The following DLGAP4 variants were observed in gnomAD, a reference collection of about 807,000 sequenced individuals.
The protein encoded by DLGAP4 is DLG associated protein 4.
In DLGAP4, 18 loss-of-function variants were observed where a neutral mutation model predicts 86.9. That is an observed-to-expected ratio of 0.21 (90% CI 0.14 to 0.31). The LOEUF (loss-of-function observed/expected upper bound fraction) is 0.31, where lower values mean the gene tolerates loss of function less well. Among genes scored for constraint, DLGAP4 ranks in the 10% least tolerant of loss-of-function variants. The pLI, the probability that DLGAP4 is intolerant of heterozygous loss-of-function variation, is 1.00. For synonymous variants in DLGAP4, 548 were observed against 574.3 expected (o/e 0.95, Z 0.65); for missense variants, 1,085 against 1,362.6 (o/e 0.80, Z 3.21).
chr20:36,364,632 C>T (rs919926801), intron 1 of DLGAP4, among the ~76,000 whole-genome samples: 1 of 152,196 alleles, frequency 6.6e-6, no homozygotes, highest in African/African-American at 2.4e-5. Context: ...GGCACCTGTT[C>T]TGGATATTTC....
chr20:36,474,716 AAG>A (rs1021438763), intron 7 of DLGAP4, among the ~76,000 whole-genome samples: 1 of 152,132 alleles, frequency 6.6e-6, no homozygotes, highest in African/African-American at 2.4e-5. Context: ...GTTTCTTTAA[AAG>A]AGGCACATGC....
chr20:36,394,564 C>A (rs1453657311), intron 2 of DLGAP4, among the ~76,000 whole-genome samples: 1 of 152,166 alleles, frequency 6.6e-6, no homozygotes, highest in Non-Finnish European at 1.5e-5. Context: ...GTGCACGTGG[C>A]CCTGGGTACA....
chr20:36,496,982 G>C lies in DLGAP4; in HGVS notation c.1926G>C (p.Leu642=). 1.2e-6 allele frequency: 2 copies of C among 1,614,164 alleles called. No individual in the cohort carries two copies. Among genetic ancestry groups the C allele is most frequent in the Non-Finnish European group, 1.7e-6 (2 of 1,180,032 alleles). ...APEPPPKHAA[L]KSEQGTLTSS... ...AGCCACCCCCAAAACATGCAGCTCT[G>C]AAAAGTGAACAAGGGACGCTGACCA... Residue 642 remains leucine (L), a synonymous_variant, in exon 8 of 13, where the codon CTG becomes CTC. Transcript: ENST00000339266.
intron 7 of DLGAP4, among the ~76,000 whole-genome samples, chr20:36,449,841 A>G (rs924004487): frequency 6.6e-6 from 1 of 152,188 alleles, no homozygotes; most frequent in Non-Finnish European, 1.5e-5. Context: ...TGCATAACAA[A>G]CAACCACAAA....
At chr20:36,455,867 C>A (rs2091890505) in intron 7 of DLGAP4, among the ~76,000 whole-genome samples, 1 of 152,160 alleles carries the variant, frequency 6.6e-6, no homozygotes, top group African/African-American at 2.4e-5. Flanking sequence ...GTCCCCCAAC[C>A]CTACCCTGGG....
chr20:36,422,032 G>C (rs1301963251), intron 2 of DLGAP4, among the ~76,000 whole-genome samples: 1 of 152,116 alleles, frequency 6.6e-6, no homozygotes, highest in Non-Finnish European at 1.5e-5. Flanking sequence ...GCCGGAGCAG[G>C]TATGAGAGAT....
intron 2 of DLGAP4, among the ~76,000 whole-genome samples, chr20:36,403,339 A>G (rs114609610): frequency 0.021 from 3,169 of 152,302 alleles, 97 homozygotes; most frequent in African/African-American, 0.069. Context: ...CAGAGCCCTC[A>G]TGACCTAAAC....
chr20:36,443,656 G>C (rs985141578), intron 6 of DLGAP4, among the ~76,000 whole-genome samples: 1 of 152,082 alleles, frequency 6.6e-6, no homozygotes, highest in African/African-American at 2.4e-5. Context: ...GTAAGGATGT[G>C]ATGCGTTAAC....
At chr20:36,318,104 TCTCACACACACACACACACA>T (rs1397869915) in intron 1 of DLGAP4, among the ~76,000 whole-genome samples, 3 of 106,494 alleles carry the variant, frequency 2.8e-5, no homozygotes, top group African/African-American at 1.2e-4. Flanking sequence ...AAATGTGTCC[TCTCACACACACACACACACA>T]CACACACACA....
chr20:36,317,464 T>TC (rs2065120842), intron 1 of DLGAP4, among the ~76,000 whole-genome samples: 1 of 58,770 alleles, frequency 1.7e-5, no homozygotes. Context: ...CTTCTCTTTC[T>TC]TTTTTTTTTT....
chr20:36,508,419 G>GTTTTTTTTTTTTTTTTTT lies in DLGAP4; in HGVS notation c.2512+7810_2512+7811insTTTTTTTTTTTTTTTTTT, dbSNP rs1569523131. On this transcript the variant is annotated intron_variant, in intron 10 of 12. Transcript: ENST00000339266. ...ACCATTTTCCTACTGATGTTTCAGG[G>GTTTTTTTTTTTTTTTTTT]TTCTTTTTTTTTTTTTTTTTTTTTT... 2.9e-4 allele frequency: 39 copies of GTTTTTTTTTTTTTTTTTT among 134,590 alleles called. 1 individual carries two copies. The highest frequency in any genetic ancestry group is 1.1e-3 in the African/African-American group (38 of 33,582). The allele number at this position is 134,590 out of a possible 1,614,324, so 8.3% of individuals were successfully genotyped here.
At chr20:36,478,830 C>A (rs1352334800) in intron 7 of DLGAP4, among the ~76,000 whole-genome samples, 1 of 152,196 alleles carries the variant, frequency 6.6e-6, no homozygotes, top group African/African-American at 2.4e-5. Flanking sequence ...CTCTGAGCCT[C>A]CTTTTTCCTT....
intron 5 of DLGAP4, among the ~76,000 whole-genome samples, chr20:36,442,287 C>T (rs976309608): frequency 2.0e-5 from 3 of 152,188 alleles, no homozygotes; most frequent in South Asian, 2.1e-4. Context: ...CTCCGCCTCA[C>T]GGGTTCAAGC....
intron 1 of DLGAP4, among the ~76,000 whole-genome samples, chr20:36,327,753 G>T (rs1412275499): frequency 2.0e-5 from 3 of 148,424 alleles, no homozygotes; most frequent in African/African-American, 7.4e-5. Context: ...CACTACGCCC[G>T]GCTAATTTTT....
At position 36,500,072 on chromosome 20, in the gene DLGAP4, C is replaced by A; in HGVS notation, c.2100-127C>A. Reference sequence around the variant, plus strand: ...GGGGCTGTGGGACCCGCTTCAGGCGCATGGTGAGCAGATGATGCATCCGTT... The same window carrying A: ...GGGGCTGTGGGACCCGCTTCAGGCGAATGGTGAGCAGATGATGCATCCGTT... On this transcript the variant is annotated intron_variant, in intron 9 of 12. Coordinates refer to ENST00000339266, the MANE Select transcript of DLGAP4 (RefSeq NM_001365621.2). The surrounding 1 kb of genome is among the most constrained non-coding windows in gnomAD (Gnocchi z 4.6). The A allele has an allele frequency of 8.8e-7, 1 of 1,137,288 alleles. No individual in the cohort carries two copies. The allele number at this position is 1,137,288 out of a possible 1,614,324, so 70.4% of individuals were successfully genotyped here. A position where few individuals can be genotyped will look rare whatever the true frequency, so the allele number is the denominator to read the frequency against.
At chr20:36,465,047 A>T (rs916802335) in intron 7 of DLGAP4, among the ~76,000 whole-genome samples, 1 of 151,426 alleles carries the variant, frequency 6.6e-6, no homozygotes, top group African/African-American at 2.4e-5. Context: ...GAGATTATGT[A>T]TTTTTTTTTA....
At chr20:36,449,414 A>G (rs1348398887) in intron 7 of DLGAP4, among the ~76,000 whole-genome samples, 1 of 152,182 alleles carries the variant, frequency 6.6e-6, no homozygotes, top group Non-Finnish European at 1.5e-5. Flanking sequence ...CTGGTCTGCT[A>G]CAGCCTCCGA....
chr20:36,436,373 A>G, intron 4 of DLGAP4, 23 bp downstream of exon 4: 1 of 1,572,312 alleles, frequency 6.4e-7, no homozygotes, highest in South Asian at 1.2e-5. Context: ...CTCCACCCTT[A>G]CGGTCCCGCC....
At chr20:36,315,822 T>C (rs1305406170) in intron 1 of DLGAP4, among the ~76,000 whole-genome samples, 1 of 152,120 alleles carries the variant, frequency 6.6e-6, no homozygotes, top group African/African-American at 2.4e-5. Flanking sequence ...GCATGGGGTG[T>C]TGGCTGCCTG....
Sources: allele counts gnomAD v4.1 joint callset (sites outside exome capture counted in the v4.1 genomes callset), GRCh38; gene constraint gnomAD v4.1.1; non-coding constraint Gnocchi (gnomAD v3.1); transcripts MANE v1.5; gene names NCBI Gene and HGNC (gene_info 2026-07-23, HGNC 2026-07-21).